Variants in RFX4 observed in about 807,000 individuals in gnomAD.
RFX4 encodes regulatory factor X4, also known as transcription factor RFX4.
RFX4 carries 10 observed loss-of-function variants against 95.0 expected under a neutral mutation model. The observed-to-expected ratio is 0.11, with a 90% confidence interval of 0.06 to 0.18. The LOEUF (loss-of-function observed/expected upper bound fraction) is 0.18, where lower values mean the gene tolerates loss of function less well. RFX4 is among the 10% of genes least tolerant of loss of function. The pLI is 1.00. For synonymous variants in RFX4, 321 were observed against 340.7 expected (o/e 0.94, Z 0.64); for missense variants, 640 against 922.0 (o/e 0.69, Z 3.96).
intron 7 of RFX4, among the ~76,000 whole-genome samples, chr12:106,689,946 C>A (rs539659223): frequency 1.2e-3 from 177 of 152,002 alleles, no homozygotes; most frequent in African/African-American, 4.0e-3. Context: ...GATGGGAGAA[C>A]AATAACCAAT....
chr12:106,655,121 C>G (rs1444874992), intron 4 of RFX4, among the ~76,000 whole-genome samples: 1 of 152,096 alleles, frequency 6.6e-6, no homozygotes, highest in Non-Finnish European at 1.5e-5. Context: ...AGAAAGAGGT[C>G]AGTGTATGAG....
intron 11 of RFX4, 147 bp from the exon 12 acceptor site, chr12:106,719,813 A>G (rs1020638434): frequency 1.6e-6 from 1 of 615,816 alleles, no homozygotes; most frequent in Non-Finnish European, 2.8e-6. Context: ...ATGTTTTATA[A>G]AGTCTTGAAT....
intron 2 of RFX4, among the ~76,000 whole-genome samples, chr12:106,623,885 G>A (rs895628107): frequency 2.6e-5 from 4 of 152,234 alleles, no homozygotes; most frequent in Non-Finnish European, 5.9e-5. Flanking sequence ...CCGAAGATGG[G>A]AAGGAGTAGG....
chr12:106,694,739 G>A (rs1266993366), intron 7 of RFX4, among the ~76,000 whole-genome samples: 2 of 152,228 alleles, frequency 1.3e-5, no homozygotes, highest in African/African-American at 2.4e-5. Flanking sequence ...GTAGGTACTC[G>A]ATAAAGAAAG....
At chr12:106,698,620 T>C (rs566046367) in intron 8 of RFX4, among the ~76,000 whole-genome samples, 1 of 152,270 alleles carries the variant, frequency 6.6e-6, no homozygotes, top group Admixed American at 6.5e-5. Context: ...AGTTTTCTTG[T>C]CTCATAATGT....
chr12:106,583,762 C>A (rs1262052930), intron 1 of RFX4: 1 of 159,548 alleles, frequency 6.3e-6, no homozygotes, highest in African/African-American at 2.4e-5. Flanking sequence ...TAGCGGTGCG[C>A]TCGGGGTCTG....
At chr12:106,651,972 A>G (rs1031024763) in intron 3 of RFX4, among the ~76,000 whole-genome samples, 4 of 152,204 alleles carry the variant, frequency 2.6e-5, no homozygotes, top group Non-Finnish European at 5.9e-5. Flanking sequence ...CGAGCTGGTT[A>G]TTTGGACCTC....
chr12:106,642,783 G>T (rs2040659787), intron 3 of RFX4, among the ~76,000 whole-genome samples: 1 of 152,172 alleles, frequency 6.6e-6, no homozygotes, highest in Non-Finnish European at 1.5e-5. Flanking sequence ...GTGGATACAT[G>T]TATGACACCA....
chr12:106,672,777 A>AG (rs1439497184), intron 4 of RFX4, among the ~76,000 whole-genome samples: 1 of 151,732 alleles, frequency 6.6e-6, no homozygotes, highest in Admixed American at 6.6e-5. Flanking sequence ...AAAAAAAAAA[A>AG]AAAGCCAAAC....
chr12:106,702,409 G>T (rs568029052), intron 8 of RFX4, among the ~76,000 whole-genome samples: 2 of 152,148 alleles, frequency 1.3e-5, no homozygotes, highest in Non-Finnish European at 2.9e-5. Context: ...CTTTAGTGTA[G>T]CACCAGATTT....
At chr12:106,703,634 A>G (rs142809930) in intron 8 of RFX4, among the ~76,000 whole-genome samples, 21 of 152,348 alleles carry the variant, frequency 1.4e-4, no homozygotes, top group African/African-American at 4.8e-4. Context: ...ATAATGCTTT[A>G]TAGGTGTTAA....
chr12:106,629,893 C>T (rs539954674), intron 2 of RFX4, among the ~76,000 whole-genome samples: 5 of 152,278 alleles, frequency 3.3e-5, no homozygotes, highest in South Asian at 2.1e-4. Context: ...AGGCACGGTT[C>T]GCTCTCCCCC....
In RFX4 at chr12:106,762,376, T is replaced by C. The variant is rs891463844; in HGVS notation, c.*907T>C. On this transcript the variant is annotated 3_prime_UTR_variant, in exon 18 of 18. Coordinates refer to ENST00000392842, the MANE Select transcript of RFX4 (RefSeq NM_213594.3). Reference sequence around the variant, plus strand: ...CAAGCACCAAGTGTGAAAGTGACTTTCACGGTTCCTTCATAAAACTATAAT... The same window carrying C: ...CAAGCACCAAGTGTGAAAGTGACTTCCACGGTTCCTTCATAAAACTATAAT... 2 of 152,776 alleles carry C rather than the reference T, an allele frequency of 1.3e-5. No individual in the cohort carries two copies. The highest frequency in any genetic ancestry group is 3.9e-4 in the East Asian group (2 of 5,194). The allele number at this position is 152,776 out of a possible 1,614,324, so 9.5% of individuals were successfully genotyped here. A position where few individuals can be genotyped will look rare whatever the true frequency, so the allele number is the denominator to read the frequency against.
chr12:106,617,437 T>C (rs1241680435), intron 2 of RFX4, among the ~76,000 whole-genome samples: 1 of 152,240 alleles, frequency 6.6e-6, no homozygotes, highest in East Asian at 1.9e-4. Context: ...CACACTTTCA[T>C]TATTGTTCAG....
In RFX4 at chr12:106,586,636, G is replaced by A. The variant is rs1024008027; in HGVS notation, c.43+3273G>A. Among the ~76,000 whole-genome samples the A allele has an allele frequency of 3.9e-5, 6 of 152,204 alleles. No homozygotes were observed. Among genetic ancestry groups the A allele is most frequent in the Admixed American group, 6.5e-5 (1 of 15,292 alleles). ...AGAACCCAGAGCTGAGGCGGCCAAA[G>A]TACTTCCTGGAGCCGGATTTGAGTT... is the stretch of plus-strand genomic sequence containing the variant. On this transcript the variant is annotated intron_variant, in intron 1 of 17. Transcript: ENST00000392842. The surrounding 1 kb of genome is among the most constrained non-coding windows in gnomAD (Gnocchi z 5.6).
At chr12:106,595,810 A>G (rs754810765) in intron 1 of RFX4, among the ~76,000 whole-genome samples, 1 of 152,220 alleles carries the variant, frequency 6.6e-6, no homozygotes, top group African/African-American at 2.4e-5. Flanking sequence ...GGAATCCAGC[A>G]GGCTTCCTGA....
chr12:106,602,616 T>C (rs2039735251), intron 1 of RFX4, among the ~76,000 whole-genome samples: 1 of 152,128 alleles, frequency 6.6e-6, no homozygotes, highest in Non-Finnish European at 1.5e-5. Context: ...TTGCCATTCC[T>C]CAAACAAGTC....
At chr12:106,712,730 G>A (rs747884855) in intron 10 of RFX4, among the ~76,000 whole-genome samples, 49 of 152,248 alleles carry the variant, frequency 3.2e-4, no homozygotes, top group Non-Finnish European at 5.4e-4. Context: ...TCTGGTGATG[G>A]TGCAGAGCCT....
At chr12:106,716,240 TAGGCGTCTACAGGCTACCTCCATAA>T (rs1302910948) in intron 11 of RFX4, among the ~76,000 whole-genome samples, 4 of 151,992 alleles carry the variant, frequency 2.6e-5, no homozygotes, top group Non-Finnish European at 4.4e-5. Flanking sequence ...CCTGGATCCA[TAGGCGTCTACAGGCTACCTCCATAA>T]TTAGAGAACA....
Sources: gnomAD v4.1 joint callset for allele counts (sites outside exome capture counted in the v4.1 genomes callset) on GRCh38, gnomAD v4.1.1 for gene constraint, Gnocchi (gnomAD v3.1) non-coding constraint, MANE v1.5 for transcripts, NCBI Gene and HGNC (gene_info 2026-07-23, HGNC 2026-07-21) for gene names.